Variants in KCNIP4 observed in about 807,000 individuals in gnomAD.
KCNIP4 encodes potassium voltage-gated channel interacting protein 4.
KCNIP4 carries 12 observed loss-of-function variants against 34.0 expected under a neutral mutation model. That is an observed-to-expected ratio of 0.35 (90% CI 0.23 to 0.57). The LOEUF (loss-of-function observed/expected upper bound fraction) is 0.57, where lower values mean the gene tolerates loss of function less well. Ranked by LOEUF, KCNIP4 falls within the 20% of genes least tolerant of loss-of-function variation. The pLI, the probability that KCNIP4 is intolerant of heterozygous loss-of-function variation, is 0.83. For missense variants in KCNIP4, 238 were observed against 311.7 expected, an observed-to-expected ratio of 0.76 and a Z score of 1.78; for synonymous variants, 124 against 102.2, an observed-to-expected ratio of 1.21 and a Z score of -1.29.
intron 1 of KCNIP4, among the ~76,000 whole-genome samples, chr4:21,821,440 T>C (rs1722348613): frequency 6.6e-6 from 1 of 152,174 alleles, no homozygotes; most frequent in Non-Finnish European, 1.5e-5. Context: ...CCATTCCATT[T>C]AAAAAGAAAT....
intron 1 of KCNIP4, among the ~76,000 whole-genome samples, chr4:21,300,720 CCTA>C (rs1275656525): frequency 6.6e-6 from 1 of 152,020 alleles, no homozygotes; most frequent in African/African-American, 2.4e-5. Flanking sequence ...GATGAATTAT[CCTA>C]CTATGGAAGA....
chr4:21,225,084 C>A (rs1206616026), intron 1 of KCNIP4, among the ~76,000 whole-genome samples: 1 of 152,136 alleles, frequency 6.6e-6, no homozygotes, highest in African/African-American at 2.4e-5. Flanking sequence ...ATCTGGTAAG[C>A]AAAGTGCATT....
At chr4:21,540,258 A>T (rs1261531556) in intron 1 of KCNIP4, among the ~76,000 whole-genome samples, 1 of 152,200 alleles carries the variant, frequency 6.6e-6, no homozygotes, top group South Asian at 2.1e-4. Flanking sequence ...TTTACAAAAC[A>T]GTCATATTGC....
chr4:21,347,903 A>C (rs934824112), intron 1 of KCNIP4, among the ~76,000 whole-genome samples: 4 of 152,196 alleles, frequency 2.6e-5, no homozygotes, highest in African/African-American at 9.6e-5. Flanking sequence ...TTCCATCTAC[A>C]TGATAGAATC....
chr4:20,910,159 T>G (rs1728192378), intron 1 of KCNIP4, among the ~76,000 whole-genome samples: 1 of 152,204 alleles, frequency 6.6e-6, no homozygotes, highest in South Asian at 2.1e-4. Flanking sequence ...TTCTTCATTC[T>G]AAATTAGCTT....
intron 1 of KCNIP4, among the ~76,000 whole-genome samples, chr4:21,743,185 A>T (rs773293535): frequency 6.6e-6 from 1 of 152,130 alleles, no homozygotes; most frequent in Non-Finnish European, 1.5e-5. Context: ...ACAGGTCTGG[A>T]GTTCAGAAGT....
At chr4:20,761,845 A>G (rs1754985911) in intron 3 of KCNIP4, among the ~76,000 whole-genome samples, 2 of 152,200 alleles carry the variant, frequency 1.3e-5, no homozygotes, top group South Asian at 4.1e-4. Flanking sequence ...TTCAGGGTGG[A>G]AAGTCTCACC....
chr4:20,861,363 G>T (rs10516365), intron 2 of KCNIP4, among the ~76,000 whole-genome samples: 16,985 of 152,206 alleles, frequency 0.11, 1,292 homozygotes, highest in Non-Finnish European at 0.16. Flanking sequence ...TGCACATGGA[G>T]AGTATAGAAG....
In KCNIP4 at chr4:20,991,524, G is replaced by T. The variant is rs140142593; in HGVS notation, c.62-108815C>A. Among the ~76,000 whole-genome samples the T allele has an allele frequency of 2.4e-4, 36 of 152,268 alleles. No individual in the cohort carries two copies. The East Asian group carries it at 6.6e-3, about 28-fold the overall frequency. On this transcript the variant is annotated intron_variant, in intron 1 of 8. Transcript: ENST00000382152. ...ATCTGAGGATACATAGATGAATGGGGCCTGTGTTCTGTTTGTGAGATTCTC... is the reference window on the plus strand; with the variant it reads ...ATCTGAGGATACATAGATGAATGGGTCCTGTGTTCTGTTTGTGAGATTCTC...
chr4:21,355,735 T>C (rs546748406), intron 1 of KCNIP4, among the ~76,000 whole-genome samples: 1 of 152,286 alleles, frequency 6.6e-6, no homozygotes, highest in African/African-American at 2.4e-5. Flanking sequence ...AAAGAGGAGC[T>C]GGTACCATTC....
chr4:21,811,323 C>T (rs773869572), intron 1 of KCNIP4, among the ~76,000 whole-genome samples: 2 of 152,054 alleles, frequency 1.3e-5, no homozygotes, highest in African/African-American at 2.4e-5. Context: ...CCACTATTTG[C>T]CATAGGGTAT....
chr4:21,881,089 A>G (rs1193764985), intron 1 of KCNIP4, among the ~76,000 whole-genome samples: 2 of 152,122 alleles, frequency 1.3e-5, no homozygotes, highest in African/African-American at 4.8e-5. Context: ...GAATTATAAT[A>G]TTTTTTAAAG....
intron 1 of KCNIP4, among the ~76,000 whole-genome samples, chr4:21,070,133 C>T (rs753872756): frequency 5.9e-5 from 9 of 152,122 alleles, no homozygotes; most frequent in Non-Finnish European, 1.0e-4. Context: ...ATATAATGCC[C>T]TTGTGATCCA....
chr4:21,750,081 C>T (rs1717049218), intron 1 of KCNIP4, among the ~76,000 whole-genome samples: 1 of 152,090 alleles, frequency 6.6e-6, no homozygotes, highest in Non-Finnish European at 1.5e-5. Context: ...AAATCTTGTG[C>T]CCATCCTCCT....
intron 2 of KCNIP4, among the ~76,000 whole-genome samples, chr4:20,857,352 T>G (rs1721707223): frequency 6.6e-6 from 1 of 152,188 alleles, no homozygotes; most frequent in Non-Finnish European, 1.5e-5. Flanking sequence ...AGCCTGTATT[T>G]TGGGTGGTTT....
intron 1 of KCNIP4, among the ~76,000 whole-genome samples, chr4:21,731,063 T>C (rs1403598289): frequency 6.6e-6 from 1 of 151,328 alleles, no homozygotes; most frequent in East Asian, 2.0e-4. Flanking sequence ...GCAGTAAGCC[T>C]TAATTGTGCC....
chr4:21,047,494 T>C (rs1414431789), intron 1 of KCNIP4, among the ~76,000 whole-genome samples: 1 of 152,200 alleles, frequency 6.6e-6, no homozygotes, highest in Non-Finnish European at 1.5e-5. Context: ...GTATTATTTT[T>C]AACACATGAG....
At chr4:21,369,396 G>A (rs1429602605) in intron 1 of KCNIP4, among the ~76,000 whole-genome samples, 2 of 147,106 alleles carry the variant, frequency 1.4e-5, no homozygotes, top group Non-Finnish European at 2.9e-5. Flanking sequence ...AATGTGGAAT[G>A]GTTAGTTCTA....
chr4:20,827,251 A>G (rs35005202), intron 3 of KCNIP4, among the ~76,000 whole-genome samples: 41,080 of 152,072 alleles, frequency 0.27, 5,720 homozygotes, highest in South Asian at 0.44. Context: ...ATGACAAAAT[A>G]CCACGGACTG....
Sources: gnomAD v4.1 joint callset for allele counts (sites outside exome capture counted in the v4.1 genomes callset) on GRCh38, gnomAD v4.1.1 for gene constraint, MANE v1.5 for transcripts, NCBI Gene and HGNC (gene_info 2026-07-23, HGNC 2026-07-21) for gene names.